CBFA2T2: variants seen among roughly 807,000 people sequenced by gnomAD.
CBFA2T2 encodes the protein CBFA2/RUNX1 partner transcriptional co-repressor 2, also known as protein CBFA2T2.
Under a neutral mutation model 62.2 loss-of-function variants are expected in CBFA2T2, and 11 were observed. The observed-to-expected ratio is 0.18, with a 90% CI of 0.11 to 0.29. The LOEUF is 0.29. Ranked by LOEUF, CBFA2T2 falls within the 10% of genes least tolerant of loss-of-function variation. The probability of loss-of-function intolerance (pLI) is 1.00; values close to 1 mark genes in which losing one functional copy is unlikely to be tolerated. For missense variants in CBFA2T2, 592 were observed against 774.1 expected, an observed-to-expected ratio of 0.76 and a Z score of 2.79; for synonymous variants, 295 against 287.5, an observed-to-expected ratio of 1.03 and a Z score of -0.27.
At chr20:33,618,982 A>G (rs759543151) in intron 3 of CBFA2T2, among the ~76,000 whole-genome samples, 1 of 152,196 alleles carries the variant, frequency 6.6e-6, no homozygotes, top group Non-Finnish European at 1.5e-5. Flanking sequence ...GAAGGGAATC[A>G]AGGAGGGTTT....
chr20:33,529,821 G>A (rs1281421836), intron 1 of CBFA2T2, among the ~76,000 whole-genome samples: 1 of 130,368 alleles, frequency 7.7e-6, no homozygotes, highest in Non-Finnish European at 1.6e-5. Flanking sequence ...TTTTGCTCTT[G>A]TTACACAGGC....
chr20:33,583,575 AAAACGGAT>A (rs1402857231), intron 1 of CBFA2T2, among the ~76,000 whole-genome samples: 4 of 152,250 alleles, frequency 2.6e-5, no homozygotes, highest in Non-Finnish European at 5.9e-5. Context: ...CTTGTTTCCA[AAAACGGAT>A]AATTACATAT....
chr20:33,610,260 A>G (rs2015475865), intron 2 of CBFA2T2, among the ~76,000 whole-genome samples: 1 of 152,208 alleles, frequency 6.6e-6, no homozygotes, highest in African/African-American at 2.4e-5. Flanking sequence ...ATGGGCCAAG[A>G]TGGTGCTGCT....
At chr20:33,525,977 GA>G (rs2011874959) in intron 1 of CBFA2T2, among the ~76,000 whole-genome samples, 1 of 151,944 alleles carries the variant, frequency 6.6e-6, no homozygotes. Flanking sequence ...TCTGTCTATG[GA>G]TTTGCCTTTG....
intron 1 of CBFA2T2, among the ~76,000 whole-genome samples, chr20:33,603,988 T>C (rs752759085): frequency 2.0e-5 from 3 of 152,186 alleles, no homozygotes; most frequent in Non-Finnish European, 4.4e-5. Flanking sequence ...TTTGTCACCT[T>C]GTAAACCACT....
At chr20:33,527,554 G>A (rs2146866691) in intron 1 of CBFA2T2, among the ~76,000 whole-genome samples, 1 of 152,116 alleles carries the variant, frequency 6.6e-6, no homozygotes, top group South Asian at 2.1e-4. Context: ...TGTATTTTTA[G>A]TAGAGACAGG....
chr20:33,603,709 G>T (rs2015231220), intron 1 of CBFA2T2, among the ~76,000 whole-genome samples: 1 of 152,154 alleles, frequency 6.6e-6, no homozygotes, highest in Non-Finnish European at 1.5e-5. Flanking sequence ...TGAGGGAAAA[G>T]AATTTCTTCT....
chr20:33,523,992 G>T (rs1424761333), intron 1 of CBFA2T2, among the ~76,000 whole-genome samples: 2 of 151,940 alleles, frequency 1.3e-5, no homozygotes, highest in African/African-American at 4.8e-5. Flanking sequence ...CCAGTGTGTT[G>T]TGCTTTTTTT....
chr20:33,535,432 C>G (rs867985764), intron 1 of CBFA2T2, among the ~76,000 whole-genome samples: 1 of 148,944 alleles, frequency 6.7e-6, no homozygotes, highest in Non-Finnish European at 1.5e-5. Context: ...CCCATGGTCC[C>G]CACTCAGTTG....
chr20:33,562,584 A>T lies in CBFA2T2; in HGVS notation c.35-44372A>T, dbSNP rs181017582. ...GGTCTCCGATTGAGCTTTGAAGATTAGGAGGAGAAAAAGAGGAGCTTTGGA... is the reference window on the plus strand; with the variant it reads ...GGTCTCCGATTGAGCTTTGAAGATTTGGAGGAGAAAAAGAGGAGCTTTGGA... On this transcript the variant is annotated intron_variant, in intron 1 of 10. Transcript: ENST00000342704. 7.8e-5 allele frequency: 77 copies of T among 985,862 alleles called. No homozygotes were observed. In the African/African-American group the frequency reaches 1.3e-3, roughly 16 times the overall value. 61.1% of individuals were successfully genotyped at this position (985,862 alleles called of 1,614,324 possible).
chr20:33,643,593 T>C (rs566948411), intron 10 of CBFA2T2, among the ~76,000 whole-genome samples: 34 of 150,630 alleles, frequency 2.3e-4, no homozygotes, highest in Non-Finnish European at 3.8e-4. Context: ...CTTCGTTGAG[T>C]CAGATTATCA....
rs751836572 is a variant in CBFA2T2, at chr20:33,557,004, C to CTTTTTTTTTTTT, written c.35-49935_35-49924dup. ...CTTGCCCAAGGTGTTGCATGCTTAT[C>CTTTTTTTTTTTT]TTTTTTTTTTTTTTTTTTTTTTTTT... On this transcript the variant is annotated intron_variant, in intron 1 of 10. Transcript: ENST00000342704. 2.8e-4 allele frequency among the ~76,000 whole-genome samples: 13 copies of CTTTTTTTTTTTT among 46,212 alleles called. 4 individuals are homozygous for CTTTTTTTTTTTT. Among genetic ancestry groups the CTTTTTTTTTTTT allele is most frequent in the African/African-American group, 1.0e-3 (11 of 10,654 alleles). The allele number at this position is 46,212 out of a possible 152,430, so 30.3% of individuals were successfully genotyped here.
At chr20:33,592,447 T>TTATATATAATTATGTAA (rs2014701736) in intron 1 of CBFA2T2, among the ~76,000 whole-genome samples, 1 of 130,940 alleles carries the variant, frequency 7.6e-6, no homozygotes, top group African/African-American at 3.0e-5. Flanking sequence ...ATTATGTAAA[T>TTATATATAATTATGTAA]ATATATATAA....
chr20:33,555,441 TTTTTG>T (rs1031132825), intron 1 of CBFA2T2, among the ~76,000 whole-genome samples: 3 of 152,300 alleles, frequency 2.0e-5, no homozygotes, highest in East Asian at 3.9e-4. Context: ...TGTTTTCTGT[TTTTTG>T]TTTTGTTTTG....
intron 1 of CBFA2T2, among the ~76,000 whole-genome samples, chr20:33,494,787 G>A (rs1382873547): frequency 6.6e-6 from 1 of 150,466 alleles, no homozygotes; most frequent in Non-Finnish European, 1.5e-5. Flanking sequence ...TAGTGGAGAT[G>A]GGGTTTCACC....
intron 1 of CBFA2T2, among the ~76,000 whole-genome samples, chr20:33,492,543 C>G (rs1334588348): frequency 6.7e-6 from 1 of 150,238 alleles, no homozygotes; most frequent in African/African-American, 2.5e-5. Flanking sequence ...TTGAGACAGT[C>G]TCTCTCTGTC....
At chr20:33,540,146 G>A (rs2012374306) in intron 1 of CBFA2T2, among the ~76,000 whole-genome samples, 1 of 152,170 alleles carries the variant, frequency 6.6e-6, no homozygotes, top group Non-Finnish European at 1.5e-5. Flanking sequence ...CAGAATGGGA[G>A]TTTGGTAACT....
At chr20:33,634,549 A>G (rs927428720) in intron 8 of CBFA2T2, among the ~76,000 whole-genome samples, 1 of 151,788 alleles carries the variant, frequency 6.6e-6, no homozygotes, top group Non-Finnish European at 1.5e-5. Flanking sequence ...GTATGTGCCT[A>G]TAGTCCGGCT....
chr20:33,493,589 C>T (rs1014212145), intron 1 of CBFA2T2, among the ~76,000 whole-genome samples: 2 of 152,136 alleles, frequency 1.3e-5, no homozygotes, highest in Non-Finnish European at 2.9e-5. Flanking sequence ...AGCCTCTTAT[C>T]TCTGGGGCTC....
Sources: allele counts gnomAD v4.1 joint callset (sites outside exome capture counted in the v4.1 genomes callset), GRCh38; gene constraint gnomAD v4.1.1; transcripts MANE v1.5; gene names NCBI Gene and HGNC (gene_info 2026-07-23, HGNC 2026-07-21).